The following POMGNT2 variants were observed in gnomAD, a reference collection of about 807,000 sequenced individuals.
The protein encoded by POMGNT2 is protein O-linked-mannose beta-1,4-N-acetylglucosaminyltransferase 2.
A neutral mutation model predicts 37.8 loss-of-function variants in POMGNT2; 32 were observed. That is an observed-to-expected ratio of 0.85 (90% confidence interval 0.64 to 1.14). The LOEUF (loss-of-function observed/expected upper bound fraction) is 1.14, where lower values mean the gene tolerates loss of function less well. Ranked by LOEUF, POMGNT2 falls within the 50% of genes most tolerant of loss-of-function variation. POMGNT2 has a pLI of 0.00. For missense variants in POMGNT2, 705 were observed against 780.6 expected, an observed-to-expected ratio of 0.90 and a Z score of 1.15; for synonymous variants, 340 against 336.8, an observed-to-expected ratio of 1.01 and a Z score of -0.10.
intron 1 of POMGNT2, among the ~76,000 whole-genome samples, chr3:43,086,006 T>C (rs750690560): frequency 1.1e-4 from 16 of 152,192 alleles, no homozygotes; most frequent in Non-Finnish European, 2.1e-4. Flanking sequence ...AGTCTTCCAA[T>C]GTTTTATATA....
intron 1 of POMGNT2, among the ~76,000 whole-genome samples, chr3:43,099,304 G>A (rs78166462): frequency 2.6e-5 from 4 of 152,180 alleles, no homozygotes; most frequent in African/African-American, 9.7e-5. Context: ...TGCACAACAA[G>A]AGATCATCCA....
intron 1 of POMGNT2, among the ~76,000 whole-genome samples, chr3:43,105,275 C>T (rs1054136573): frequency 6.6e-6 from 1 of 152,210 alleles, no homozygotes; most frequent in African/African-American, 2.4e-5. Flanking sequence ...TACTCTGGCA[C>T]TGCCAAGCAG....
At chr3:43,103,760 G>C (rs759580304) in intron 1 of POMGNT2, among the ~76,000 whole-genome samples, 5 of 152,152 alleles carry the variant, frequency 3.3e-5, no homozygotes, top group African/African-American at 7.2e-5. Context: ...ACCAGTTCTG[G>C]AGCTGGAGAT....
intron 1 of POMGNT2, among the ~76,000 whole-genome samples, chr3:43,086,254 C>T (rs6796161): frequency 0.18 from 26,685 of 152,120 alleles, 2,550 homozygotes; most frequent in East Asian, 0.28. Context: ...CTTATTTCTT[C>T]TGTATATAAA....
intron 1 of POMGNT2, among the ~76,000 whole-genome samples, chr3:43,083,307 A>C (rs1219654675): frequency 2.0e-5 from 3 of 152,208 alleles, no homozygotes; most frequent in African/African-American, 7.2e-5. Flanking sequence ...CCAGGTTGGC[A>C]ACTTACTGTT....
In POMGNT2 at chr3:43,098,800, C is replaced by G. The variant is rs952201051; in HGVS notation, c.-106+7036G>C. Among the ~76,000 whole-genome samples the G allele has an allele frequency of 1.5e-4, 23 of 152,192 alleles. No homozygotes were observed. Among genetic ancestry groups the G allele is most frequent in the Non-Finnish European group, 2.6e-4 (18 of 68,036 alleles). On this transcript the variant is annotated intron_variant, in intron 1 of 1. Coordinates refer to ENST00000344697, the MANE Select transcript of POMGNT2 (RefSeq NM_032806.6). This position sits in a 1 kb window ranked among gnomAD's most constrained non-coding sequence, Gnocchi z 4.3. ...CTTTGGTGAGAAGGGTGATGTCAGT[C>G]TTTGCTGAGGATAAACCAAGGCTTG...
In POMGNT2 at chr3:43,081,271, G is replaced by A. The variant is rs748576103; in HGVS notation, c.161C>T (p.Pro54Leu). Reference sequence around the variant, plus strand: ...CTCCATCAGGATCTGCAGTGCCTTCGGGTAGTCGATCCTCAGTGCTGGGGC... The same window carrying A: ...CTCCATCAGGATCTGCAGTGCCTTCAGGTAGTCGATCCTCAGTGCTGGGGC... ...EPAPALRIDY[P>L]KALQILMEGG... The change falls in exon 2 of 2, where the codon CCG (proline) becomes CTG (leucine). Residue 54 changes from proline to leucine, a missense_variant. Transcript: ENST00000344697. 129 of 1,613,316 alleles carry A rather than the reference G, an allele frequency of 8.0e-5. 1 individual carries two copies. Among genetic ancestry groups the A allele is most frequent in the Middle Eastern group, 3.3e-4 (2 of 6,084 alleles).
chr3:43,087,416 A>T (rs503100), intron 1 of POMGNT2: 144,968 of 152,304 alleles, frequency 0.95, 69,408 homozygotes, highest in East Asian at 1. Flanking sequence ...AAATCAGGAA[A>T]AAGAATGGAA....
At chr3:43,088,383 G>A (rs1485104647) in intron 1 of POMGNT2, among the ~76,000 whole-genome samples, 2 of 152,190 alleles carry the variant, frequency 1.3e-5, no homozygotes, top group African/African-American at 2.4e-5. Context: ...CTGGTCAGTC[G>A]CCAACCCTCT....
rs897256927 is a variant in POMGNT2 at position 43,080,125 on chromosome 3, C to G, written c.1307G>C (p.Cys436Ser). 2 of 1,613,826 alleles carry G rather than the reference C, an allele frequency of 1.2e-6. No individual in the cohort carries two copies. The highest frequency in any genetic ancestry group is 1.3e-5 in the African/African-American group (1 of 74,930). Reference sequence around the variant, plus strand: ...GAAGAGCCACTCGGGGTTCCGGCAACAGAGATGCCGTGGGACCTCACGGCT... The same window carrying G: ...GAAGAGCCACTCGGGGTTCCGGCAAGAGAGATGCCGTGGGACCTCACGGCT... The part of the protein sequence containing the change: ...LQSREVPRHL[C>S]CRNPEWLFRI... Residue 436 changes from cysteine to serine, a missense_variant, in exon 2 of 2, where the codon TGT becomes TCT. Physicochemically the swap from Cys to Ser is moderately radical, Grantham distance 112. Transcript: ENST00000344697.
chr3:43,089,121 G>A (rs2089922002), intron 1 of POMGNT2, among the ~76,000 whole-genome samples: 2 of 152,184 alleles, frequency 1.3e-5, no homozygotes, highest in Non-Finnish European at 2.9e-5. Flanking sequence ...CAATCAAATA[G>A]AGGATCTGCG....
chr3:43,082,012 CGATCAGCCAAACGCAGCCAA>C (rs1559415384), intron 1 of POMGNT2, among the ~76,000 whole-genome samples: 1 of 152,218 alleles, frequency 6.6e-6, no homozygotes, highest in African/African-American at 2.4e-5. Context: ...AGCAGCAGTG[CGATCAGCCAAACGCAGCCAA>C]GATCAGCCAA....
intron 1 of POMGNT2, among the ~76,000 whole-genome samples, chr3:43,103,234 A>G (rs2090032411): frequency 6.6e-6 from 1 of 152,180 alleles, no homozygotes; most frequent in African/African-American, 2.4e-5. Context: ...ACAGGCAGCC[A>G]GGATTAAAAT....
chr3:43,099,032 G>A (rs1043463085), intron 1 of POMGNT2, among the ~76,000 whole-genome samples: 7 of 152,156 alleles, frequency 4.6e-5, no homozygotes, highest in African/African-American at 1.7e-4. Flanking sequence ...GGTCATAAAC[G>A]GGGATGAAAC....
intron 1 of POMGNT2, among the ~76,000 whole-genome samples, chr3:43,083,660 C>A (rs1262613309): frequency 6.6e-6 from 1 of 152,136 alleles, no homozygotes; most frequent in Non-Finnish European, 1.5e-5. Context: ...GAAACTTTAC[C>A]TCCACCTAGG....
chr3:43,101,035 C>T (rs1319287801), intron 1 of POMGNT2, among the ~76,000 whole-genome samples: 1 of 152,150 alleles, frequency 6.6e-6, no homozygotes. Flanking sequence ...GAAAAGAAGC[C>T]CCTGCACCCA....
intron 1 of POMGNT2, among the ~76,000 whole-genome samples, chr3:43,088,576 A>G (rs1278604659): frequency 2.6e-5 from 4 of 152,206 alleles, no homozygotes; most frequent in Admixed American, 2.6e-4. Flanking sequence ...GTGGACTGTC[A>G]GCAGAGCCTA....
In POMGNT2 at chr3:43,081,514, G is replaced by T; in HGVS notation, c.-83C>A. On this transcript the variant is annotated 5_prime_UTR_variant, in exon 2 of 2. Coordinates refer to ENST00000344697, the MANE Select transcript of POMGNT2 (RefSeq NM_032806.6). ...AGGCAGGCTTCACCCATCCCTATGG[G>T]CATCCTGAGAACTGGTGAAAGCCTG... 1.7e-6 allele frequency: 2 copies of T among 1,185,364 alleles called. No individual in the cohort carries two copies. The highest frequency in any genetic ancestry group is 2.3e-6 in the Non-Finnish European group (2 of 861,704). 73.4% of individuals were successfully genotyped at this position (1,185,364 alleles called of 1,614,324 possible). A position where few individuals can be genotyped will look rare whatever the true frequency, so the allele number is the denominator to read the frequency against.
intron 1 of POMGNT2, among the ~76,000 whole-genome samples, chr3:43,088,862 A>G (rs1204174993): frequency 1.3e-5 from 2 of 152,206 alleles, no homozygotes; most frequent in Admixed American, 1.3e-4. Flanking sequence ...GTAACTCCTC[A>G]TTGCTGAAGC....
Sources: allele counts gnomAD v4.1 joint callset (sites outside exome capture counted in the v4.1 genomes callset), GRCh38; gene constraint gnomAD v4.1.1; non-coding constraint Gnocchi (gnomAD v3.1); transcripts MANE v1.5; gene names NCBI Gene and HGNC (gene_info 2026-07-23, HGNC 2026-07-21).